The following ZC3H18 variants were observed in gnomAD, a reference collection of about 807,000 sequenced individuals.
The protein encoded by ZC3H18 is zinc finger CCCH domain-containing protein 18.
A neutral mutation model predicts 106.1 loss-of-function variants in ZC3H18; 8 were observed. The observed-to-expected ratio is 0.08, with a 90% confidence interval of 0.04 to 0.14. The LOEUF is 0.14. Ranked by LOEUF, ZC3H18 falls within the 10% of genes least tolerant of loss-of-function variation. The pLI is 1.00. For synonymous variants in ZC3H18, 635 were observed against 522.1 expected, an observed-to-expected ratio of 1.22 and a Z score of -2.95; for missense variants, 1,318 against 1,278.4, an observed-to-expected ratio of 1.03 and a Z score of -0.47.
chr16:88,597,053 T>C (rs1042886084), intron 3 of ZC3H18, among the ~76,000 whole-genome samples: 1 of 152,198 alleles, frequency 6.6e-6, no homozygotes, highest in Non-Finnish European at 1.5e-5. Context: ...CCCAAGTAGC[T>C]GGGACTACAG....
At position 88,593,141 on chromosome 16, in the gene ZC3H18, G is replaced by C. The variant is rs114313029; in HGVS notation, c.689-5037G>C. Among the ~76,000 whole-genome samples the C allele has an allele frequency of 2.8e-3, 430 of 152,320 alleles. 1 individual carries two copies. The highest frequency in any genetic ancestry group is 0.01 in the Middle Eastern group (3 of 294). Reference sequence around the variant, plus strand: ...ACTGCACTCAGCCACTCAGCCATCTGATGACGTGGGATGAAATATGCTCGC... The same window carrying C: ...ACTGCACTCAGCCACTCAGCCATCTCATGACGTGGGATGAAATATGCTCGC... On this transcript the variant is annotated intron_variant, in intron 3 of 17. Transcript: ENST00000301011.
intron 6 of ZC3H18, among the ~76,000 whole-genome samples, chr16:88,606,196 C>A (rs1315900932): frequency 6.6e-6 from 1 of 152,222 alleles, no homozygotes; most frequent in Non-Finnish European, 1.5e-5. Flanking sequence ...TGCCCAGTAG[C>A]ATTTATTTTT....
chr16:88,611,864 G>A (rs998875630), intron 8 of ZC3H18, among the ~76,000 whole-genome samples: 1 of 152,208 alleles, frequency 6.6e-6, no homozygotes, highest in African/African-American at 2.4e-5. Flanking sequence ...TACCACGCAC[G>A]GTGTGTAACT....
intron 3 of ZC3H18, 26 bp from the exon 4 acceptor site, chr16:88,598,152 T>C: frequency 6.8e-7 from 1 of 1,468,302 alleles, no homozygotes; most frequent in Non-Finnish European, 9.1e-7. Flanking sequence ...TGTGGACCCT[T>C]TCTGATCTCA....
At chr16:88,586,296 T>G (rs1915426017) in intron 2 of ZC3H18, among the ~76,000 whole-genome samples, 1 of 152,210 alleles carries the variant, frequency 6.6e-6, no homozygotes, top group African/African-American at 2.4e-5. Flanking sequence ...CCCCGAAGTG[T>G]TACTATTTCC....
At chr16:88,580,498 G>A (rs1425895631) in intron 2 of ZC3H18, among the ~76,000 whole-genome samples, 1 of 152,110 alleles carries the variant, frequency 6.6e-6, no homozygotes, top group Non-Finnish European at 1.5e-5. Context: ...AGAGGTACGC[G>A]CCACGCCATC....
chr16:88,587,664 T>C (rs1345752637), intron 3 of ZC3H18: 3 of 1,473,822 alleles, frequency 2.0e-6, no homozygotes, highest in Admixed American at 2.0e-5. Flanking sequence ...GTCCCCCTAC[T>C]CCAGAGGCCA....
chr16:88,628,087 C>T lies in ZC3H18; in HGVS notation c.2437C>T (p.His813Tyr). 1 of 1,614,030 alleles carries T rather than the reference C, an allele frequency of 6.2e-7. No individual in the cohort carries two copies. The highest frequency in any genetic ancestry group is 8.5e-7 in the Non-Finnish European group (1 of 1,179,998). The change falls in exon 15 of 18, where the codon CAC (histidine) becomes TAC (tyrosine). Residue 813 changes from histidine to tyrosine, a missense_variant. By Grantham distance (83) the His-to-Tyr change is moderately conservative. This residue lies in a region of ZC3H18 where 848 missense variants were observed against 821.7 expected (regional missense o/e 1.03). Coordinates refer to ENST00000301011, the MANE Select transcript of ZC3H18 (RefSeq NM_144604.4). ...GQPQQGTFVAHKEIKLTLLNK... is the reference protein window; with the variant it reads ...GQPQQGTFVAYKEIKLTLLNK... The stretch of plus-strand genomic sequence containing the variant: ...GCCCCAGCAGGGCACATTTGTGGCC[C>T]ACAAGGAGATCAAGTTGACACTGTT...
chr16:88,620,342 A>G (rs989727033), intron 8 of ZC3H18, among the ~76,000 whole-genome samples: 4 of 152,082 alleles, frequency 2.6e-5, no homozygotes, highest in Admixed American at 2.0e-4. Context: ...TAACCCCAGC[A>G]CTCTGGGAGG....
At chr16:88,581,672 C>T (rs1210883259) in intron 2 of ZC3H18, among the ~76,000 whole-genome samples, 6 of 152,220 alleles carry the variant, frequency 3.9e-5, no homozygotes, top group Non-Finnish European at 8.8e-5. Flanking sequence ...CAGGAAGCGG[C>T]ATGGAAGAGA....
chr16:88,585,602 A>G (rs1597326040), intron 2 of ZC3H18, among the ~76,000 whole-genome samples: 1 of 152,218 alleles, frequency 6.6e-6, no homozygotes, highest in Non-Finnish European at 1.5e-5. Context: ...TCAAGCTTCC[A>G]TCTGAAAGTA....
intron 6 of ZC3H18, among the ~76,000 whole-genome samples, chr16:88,602,399 A>G (rs1359151711): frequency 1.3e-5 from 2 of 152,188 alleles, no homozygotes. Flanking sequence ...CTCACAGGTG[A>G]GGAGAGTGCA....
chr16:88,572,201 G>T (rs955543403), intron 1 of ZC3H18, among the ~76,000 whole-genome samples: 5 of 152,230 alleles, frequency 3.3e-5, no homozygotes, highest in African/African-American at 9.6e-5. Flanking sequence ...AAGGTCATTC[G>T]CAATGAGAAG....
At chr16:88,582,123 A>G (rs2142559543) in intron 2 of ZC3H18, among the ~76,000 whole-genome samples, 1 of 152,042 alleles carries the variant, frequency 6.6e-6, no homozygotes, top group South Asian at 2.1e-4. Context: ...GACTCCTGTC[A>G]TAATTGGTAG....
At chr16:88,607,337 A>G (rs1392883311) in intron 6 of ZC3H18, among the ~76,000 whole-genome samples, 2 of 152,010 alleles carry the variant, frequency 1.3e-5, no homozygotes, top group African/African-American at 2.4e-5. Context: ...TTTCATTTCC[A>G]GGGTTTTCTT....
At chr16:88,623,936 A>C (rs1232920515) in intron 10 of ZC3H18, 22 bp from the exon 11 acceptor site, 1 of 1,593,776 alleles carries the variant, frequency 6.3e-7, no homozygotes, top group Admixed American at 1.7e-5. Context: ...GCCCCTTCCG[A>C]CACCTTTGTT....
chr16:88,631,481 C>T lies in ZC3H18; in HGVS notation c.*182C>T. ...ACAACGACGCTGAATCCCAGCCTCC[C>T]TCCCCAGAGCAGAAGTCCCGCAGGA... On this transcript the variant is annotated 3_prime_UTR_variant, in exon 18 of 18. Transcript: ENST00000301011. 1.2e-6 allele frequency: 1 copy of T among 800,576 alleles called. No individual in the cohort carries two copies. Among genetic ancestry groups the T allele is most frequent in the South Asian group, 1.6e-5 (1 of 63,140 alleles). The allele number at this position is 800,576 out of a possible 1,614,324, so 49.6% of individuals were successfully genotyped here.
At chr16:88,617,033 G>A (rs540936355) in intron 8 of ZC3H18, among the ~76,000 whole-genome samples, 1 of 152,308 alleles carries the variant, frequency 6.6e-6, no homozygotes, top group East Asian at 1.9e-4. Flanking sequence ...TGGGTGTCCT[G>A]GGTAGAGTTG....
chr16:88,631,267 C>T lies in ZC3H18; in HGVS notation c.2830C>T (p.Arg944Cys), dbSNP rs1906675651. 6.2e-7 allele frequency: 1 copy of T among 1,601,714 alleles called. No individual in the cohort carries two copies. Among genetic ancestry groups the T allele is most frequent in the Non-Finnish European group, 8.5e-7 (1 of 1,174,584 alleles). Residue 944 changes from arginine to cysteine, a missense_variant, in exon 18 of 18, where the codon CGC becomes TGC. Transcript: ENST00000301011. ...GAAGGCCGTGGAGGATGCTATTGCACGCAAGCGGGCCAAGATCCCCGGGAA... is the reference window on the plus strand; with the variant it reads ...GAAGGCCGTGGAGGATGCTATTGCATGCAAGCGGGCCAAGATCCCCGGGAA... ...QLKAVEDAIA[R>C]KRAKIPGKA
Sources: gnomAD v4.1 joint callset for allele counts (sites outside exome capture counted in the v4.1 genomes callset) on GRCh38, gnomAD v4.1.1 for gene constraint, gnomAD v4.1.1 regional missense constraint, MANE v1.5 for transcripts, NCBI Gene and HGNC (gene_info 2026-07-23, HGNC 2026-07-21) for gene names.